Variants in MLLT10 observed in about 807,000 individuals in gnomAD.
The protein encoded by MLLT10 is protein AF-10.
MLLT10 carries 30 observed loss-of-function variants against 129.1 expected under a neutral mutation model. The observed-to-expected ratio is 0.23, with a 90% confidence interval of 0.17 to 0.32. The LOEUF (loss-of-function observed/expected upper bound fraction) is 0.32, where lower values mean the gene tolerates loss of function less well. Ranked by LOEUF, MLLT10 falls within the 10% of genes least tolerant of loss-of-function variation. The pLI is 1.00. For synonymous variants in MLLT10, 490 were observed against 446.4 expected (o/e 1.10, Z -1.23); for missense variants, 1,119 against 1,268.3 (o/e 0.88, Z 1.79).
At position 21,613,443 on chromosome 10, in the gene MLLT10, G is replaced by A. The variant is rs530041420; in HGVS notation, c.509+992G>A. ...TACTACTATTGTGAAATGGAAAACG[G>A]TTTTTGACTTTTATAAATTCTCGTA... On this transcript the variant is annotated intron_variant, in intron 6 of 22. Transcript: ENST00000307729. Among the ~76,000 whole-genome samples, 5 of 152,232 alleles carry A rather than the reference G, an allele frequency of 3.3e-5. No individual in the cohort carries two copies. The South Asian group carries it at 6.2e-4, about 19-fold the overall frequency.
At chr10:21,553,967 A>G (rs1291613294) in intron 3 of MLLT10, among the ~76,000 whole-genome samples, 1 of 151,944 alleles carries the variant, frequency 6.6e-6, no homozygotes, top group African/African-American at 2.4e-5. Context: ...ATTTCTTTTT[A>G]ATCGTTTGTA....
At chr10:21,662,175 T>C (rs969626324) in intron 9 of MLLT10, among the ~76,000 whole-genome samples, 1 of 152,158 alleles carries the variant, frequency 6.6e-6, no homozygotes, top group Non-Finnish European at 1.5e-5. Flanking sequence ...AGCATGGAGG[T>C]GTACTTCCCT....
At chr10:21,726,989 G>A (rs1355219210) in intron 15 of MLLT10, among the ~76,000 whole-genome samples, 1 of 152,100 alleles carries the variant, frequency 6.6e-6, no homozygotes, top group Non-Finnish European at 1.5e-5. Flanking sequence ...CTCTTGTACT[G>A]TCTTAATGAG....
intron 11 of MLLT10, among the ~76,000 whole-genome samples, chr10:21,681,081 T>C (rs148013746): frequency 1.1e-3 from 168 of 152,332 alleles, no homozygotes; most frequent in African/African-American, 3.6e-3. Context: ...CTTATGTCTT[T>C]TCCTCACTCT....
At chr10:21,704,628 G>A (rs1013629129) in intron 13 of MLLT10, among the ~76,000 whole-genome samples, 2 of 111,804 alleles carry the variant, frequency 1.8e-5, no homozygotes, top group Non-Finnish European at 3.7e-5. Flanking sequence ...TTTTTTTTTG[G>A]CTTTTTAATG....
intron 16 of MLLT10, among the ~76,000 whole-genome samples, chr10:21,730,604 G>C (rs577163085): frequency 1.5e-3 from 223 of 152,218 alleles, no homozygotes; most frequent in Non-Finnish European, 2.0e-3. Context: ...GCCATACCAA[G>C]TTATTTTACA....
intron 3 of MLLT10, among the ~76,000 whole-genome samples, chr10:21,573,700 GA>G (rs2040449399): frequency 6.6e-6 from 1 of 151,738 alleles, no homozygotes; most frequent in Non-Finnish European, 1.5e-5. Context: ...CCAAGTAGCT[GA>G]GATTACAGGC....
chr10:21,542,476 A>G (rs2035344211), intron 3 of MLLT10, among the ~76,000 whole-genome samples: 1 of 152,238 alleles, frequency 6.6e-6, no homozygotes, highest in Non-Finnish European at 1.5e-5. Flanking sequence ...AGACTGAAGC[A>G]GGAGATCCGC....
intron 3 of MLLT10, among the ~76,000 whole-genome samples, chr10:21,578,514 A>T (rs1271089285): frequency 1.3e-5 from 2 of 152,004 alleles, no homozygotes; most frequent in East Asian, 3.9e-4. Flanking sequence ...TTTTAGTGTT[A>T]TGTCTAAAAA....
intron 11 of MLLT10, 138 bp from the exon 12 acceptor site, chr10:21,681,194 T>G: frequency 1.1e-6 from 1 of 946,076 alleles, no homozygotes. Flanking sequence ...CTTATAATTT[T>G]TGTTTTTGAA....
At chr10:21,535,066 C>G (rs1357225968) in intron 2 of MLLT10, among the ~76,000 whole-genome samples, 1 of 127,028 alleles carries the variant, frequency 7.9e-6, no homozygotes, top group Non-Finnish European at 1.7e-5. Context: ...TCTGCTGACT[C>G]GGCGGGGCGG....
At chr10:21,688,679 A>G in intron 13 of MLLT10, 2 of 599,446 alleles carry the variant, frequency 3.3e-6, no homozygotes, top group Non-Finnish European at 5.6e-6. Flanking sequence ...AATTATCTAT[A>G]ACCTTGGGTG....
chr10:21,669,391 G>A (rs1015534572), intron 9 of MLLT10, among the ~76,000 whole-genome samples: 2 of 151,858 alleles, frequency 1.3e-5, no homozygotes, highest in African/African-American at 4.8e-5. Flanking sequence ...TCATGTTCTC[G>A]TTTTTCATAT....
chr10:21,653,992 G>A (rs1383912069), intron 9 of MLLT10, among the ~76,000 whole-genome samples: 1 of 152,222 alleles, frequency 6.6e-6, no homozygotes, highest in Non-Finnish European at 1.5e-5. Flanking sequence ...AGGAGACTGA[G>A]AAGAGGCTAG....
intron 3 of MLLT10, chr10:21,551,824 T>A: frequency 2.4e-6 from 1 of 417,798 alleles, no homozygotes. Flanking sequence ...AGGCAGAGTC[T>A]CGCTCTGTTG....
Position 21,717,680 on chromosome 10 carries a change from C to T in MLLT10, c.1878+3730C>T, listed in dbSNP as rs1589799708. Among the ~76,000 whole-genome samples the T allele has an allele frequency of 4.7e-5, 5 of 106,278 alleles. No homozygotes were observed. In the South Asian group the frequency reaches 1.4e-3, roughly 31 times the overall value. The allele number at this position is 106,278 out of a possible 152,430, so 69.7% of individuals were successfully genotyped here. ...CCTCCTCCTCTTCCTCCTCCTCTTC[C>T]TCCTCCTCCTCCTCCTCCTCTTCCT... On this transcript the variant is annotated intron_variant, in intron 14 of 22. Coordinates refer to ENST00000307729, the MANE Select transcript of MLLT10 (RefSeq NM_001195626.3).
intron 14 of MLLT10, 55 bp from the exon 15 acceptor site, chr10:21,726,189 C>G: frequency 1.6e-6 from 2 of 1,213,456 alleles, no homozygotes; most frequent in Non-Finnish European, 2.4e-6. Flanking sequence ...GAAGGGAAAA[C>G]TTTTAATATA....
intron 14 of MLLT10, among the ~76,000 whole-genome samples, chr10:21,725,660 G>A (rs1017015929): frequency 6.9e-6 from 1 of 145,956 alleles, no homozygotes; most frequent in Non-Finnish European, 1.5e-5. Flanking sequence ...GGCGGAGGTT[G>A]CAGTGAGCCG....
At chr10:21,717,918 T>TCCTCCTCCTC (rs1178913984) in intron 14 of MLLT10, among the ~76,000 whole-genome samples, 9 of 100,518 alleles carry the variant, frequency 9.0e-5, no homozygotes, top group African/African-American at 2.9e-4. Context: ...TCCTTCTCCT[T>TCCTCCTCCTC]CTCCTTCTTC....
Sources: gnomAD v4.1 joint callset for allele counts (sites outside exome capture counted in the v4.1 genomes callset) on GRCh38, gnomAD v4.1.1 for gene constraint, MANE v1.5 for transcripts, NCBI Gene and HGNC (gene_info 2026-07-23, HGNC 2026-07-21) for gene names.